Variants in CYTH3 observed in about 807,000 individuals in gnomAD.
The protein encoded by CYTH3 is cytohesin 3.
Under a neutral mutation model 55.1 loss-of-function variants are expected in CYTH3, and 23 were observed. That is an observed-to-expected ratio of 0.42 (90% CI 0.30 to 0.59). CYTH3 has a LOEUF of 0.59. CYTH3 is among the 20% of genes least tolerant of loss of function. CYTH3 has a pLI of 0.20. For missense variants in CYTH3, 413 were observed against 524.8 expected, an observed-to-expected ratio of 0.79 and a Z score of 2.08; for synonymous variants, 249 against 194.9, an observed-to-expected ratio of 1.28 and a Z score of -2.31.
At chr7:6,197,427 A>T (rs1385537516) in intron 1 of CYTH3, among the ~76,000 whole-genome samples, 7 of 152,254 alleles carry the variant, frequency 4.6e-5, no homozygotes, top group Admixed American at 1.3e-4. Context: ...TCACACCTGT[A>T]ATCTCAGCAC....
chr7:6,195,272 CA>C (rs1351593537), intron 1 of CYTH3, among the ~76,000 whole-genome samples: 2 of 151,982 alleles, frequency 1.3e-5, no homozygotes, highest in Non-Finnish European at 2.9e-5. Flanking sequence ...CATGGCAAAG[CA>C]AAAAAATTTT....
intron 1 of CYTH3, among the ~76,000 whole-genome samples, chr7:6,227,855 G>C (rs1323741229): frequency 1.3e-5 from 2 of 152,194 alleles, no homozygotes; most frequent in African/African-American, 4.8e-5. Flanking sequence ...ATGTGAACAA[G>C]TAACCTTACT....
intron 6 of CYTH3, chr7:6,173,093 C>G: frequency 9.8e-7 from 1 of 1,023,916 alleles, no homozygotes; most frequent in Non-Finnish European, 1.2e-6. Context: ...GGTCAAGGCC[C>G]AGAACAGATG....
At chr7:6,190,852 G>C (rs903597947) in intron 1 of CYTH3, among the ~76,000 whole-genome samples, 11 of 152,018 alleles carry the variant, frequency 7.2e-5, no homozygotes, top group African/African-American at 2.4e-4. Context: ...TGAGGTGGGT[G>C]GATCACTTGA....
At chr7:6,208,479 T>C (rs547473164) in intron 1 of CYTH3, among the ~76,000 whole-genome samples, 1 of 152,344 alleles carries the variant, frequency 6.6e-6, no homozygotes, top group African/African-American at 2.4e-5. Flanking sequence ...GCCAAGGACA[T>C]AGCCAGCTCC....
chr7:6,185,124 C>A (rs575947145), intron 4 of CYTH3, among the ~76,000 whole-genome samples: 1 of 152,210 alleles, frequency 6.6e-6, no homozygotes, highest in Non-Finnish European at 1.5e-5. Context: ...CCCAAAATAT[C>A]AAATCATTTC....
At chr7:6,179,777 ACAC>A (rs1233829932) in intron 4 of CYTH3, among the ~76,000 whole-genome samples, 22 of 113,252 alleles carry the variant, frequency 1.9e-4, no homozygotes, top group Admixed American at 8.5e-4. Flanking sequence ...CACCCCACAC[ACAC>A]CACCTACCAC....
chr7:6,240,948 T>C (rs1249962274), intron 1 of CYTH3, among the ~76,000 whole-genome samples: 1 of 150,776 alleles, frequency 6.6e-6, no homozygotes, highest in African/African-American at 2.4e-5. Flanking sequence ...ACCCCGTCTC[T>C]GCTGAAAAAA....
At position 6,259,830 on chromosome 7, in the gene CYTH3, ATATTT is replaced by A. The variant is rs1332506984; in HGVS notation, c.34+12639_34+12643del. ...ATATATATAATATATATATATATAT[ATATTT>A]TTTTTTTTTTTTAAGACGGATTTTC... is the stretch of plus-strand genomic sequence containing the variant. On this transcript the variant is annotated intron_variant, in intron 1 of 12. Coordinates refer to ENST00000350796, the MANE Select transcript of CYTH3 (RefSeq NM_004227.4). Among the ~76,000 whole-genome samples the A allele has an allele frequency of 4.4e-3, 88 of 20,218 alleles. 8 individuals are homozygous for A. The highest frequency in any genetic ancestry group is 0.029 in the Middle Eastern group (1 of 34). The allele number at this position is 20,218 out of a possible 152,430, so 13.3% of individuals were successfully genotyped here.
intron 1 of CYTH3, among the ~76,000 whole-genome samples, chr7:6,269,237 A>G (rs1425292931): frequency 3.3e-5 from 5 of 152,226 alleles, no homozygotes; most frequent in African/African-American, 1.2e-4. Context: ...GCCTGTGGCT[A>G]CTTTACACTC....
At chr7:6,194,646 T>C (rs775796153) in intron 1 of CYTH3, among the ~76,000 whole-genome samples, 4 of 151,806 alleles carry the variant, frequency 2.6e-5, no homozygotes, top group African/African-American at 9.7e-5. Flanking sequence ...ACAGAAGATA[T>C]GTACCAATAA....
chr7:6,259,409 A>G (rs544752552), intron 1 of CYTH3, among the ~76,000 whole-genome samples: 22 of 152,320 alleles, frequency 1.4e-4, no homozygotes, highest in African/African-American at 4.6e-4. Context: ...CTAAAAACCA[A>G]GTCAGCTCAA....
intron 1 of CYTH3, among the ~76,000 whole-genome samples, chr7:6,228,508 C>A (rs1562399200): frequency 1.3e-5 from 2 of 152,040 alleles, no homozygotes; most frequent in Admixed American, 6.6e-5. Context: ...AGGGGTCAGG[C>A]CACACTGAGA....
At chr7:6,248,665 G>A (rs1779887157) in intron 1 of CYTH3, among the ~76,000 whole-genome samples, 1 of 152,182 alleles carries the variant, frequency 6.6e-6, no homozygotes, top group Non-Finnish European at 1.5e-5. Flanking sequence ...GCTGCCCGTG[G>A]CCACTCAGGG....
intron 5 of CYTH3, among the ~76,000 whole-genome samples, chr7:6,173,990 C>A (rs1232690527): frequency 6.6e-6 from 1 of 151,404 alleles, no homozygotes; most frequent in African/African-American, 2.4e-5. Context: ...CATGAGCCCC[C>A]ACACCTGGCC....
At chr7:6,257,508 CAT>C (rs552667073) in intron 1 of CYTH3, among the ~76,000 whole-genome samples, 1 of 152,164 alleles carries the variant, frequency 6.6e-6, no homozygotes, top group Admixed American at 6.5e-5. Context: ...TTAAAATACA[CAT>C]AAAGATTTGC....
intron 1 of CYTH3, among the ~76,000 whole-genome samples, chr7:6,229,118 T>G (rs1779322516): frequency 1.3e-5 from 2 of 152,132 alleles, no homozygotes; most frequent in South Asian, 4.1e-4. Flanking sequence ...AAACCTGAAT[T>G]AGCCAAATAA....
At chr7:6,257,994 C>G (rs1005755467) in intron 1 of CYTH3, among the ~76,000 whole-genome samples, 19 of 152,082 alleles carry the variant, frequency 1.2e-4, no homozygotes, top group Non-Finnish European at 1.0e-4. Flanking sequence ...CCAGGTCCAA[C>G]AAAGTCTAGC....
intron 4 of CYTH3, among the ~76,000 whole-genome samples, chr7:6,180,434 G>A (rs986366065): frequency 3.9e-5 from 6 of 152,198 alleles, no homozygotes; most frequent in Non-Finnish European, 4.4e-5. Flanking sequence ...GTGCAGAGAA[G>A]GCCACAAGAC....
Sources: gnomAD v4.1 joint callset for allele counts (sites outside exome capture counted in the v4.1 genomes callset) on GRCh38, gnomAD v4.1.1 for gene constraint, MANE v1.5 for transcripts, NCBI Gene and HGNC (gene_info 2026-07-23, HGNC 2026-07-21) for gene names.